The following POM121C variants were observed in gnomAD, a reference collection of about 807,000 sequenced individuals.
POM121C encodes POM121 transmembrane nucleoporin C.
Under a neutral mutation model 66.4 loss-of-function variants are expected in POM121C, and 20 were observed. That is an observed-to-expected ratio of 0.30 (90% CI 0.21 to 0.44). The LOEUF (loss-of-function observed/expected upper bound fraction) is 0.44, where lower values mean the gene tolerates loss of function less well. Among genes scored for constraint, POM121C ranks in the 20% least tolerant of loss-of-function variants. The pLI, the probability that POM121C is intolerant of heterozygous loss-of-function variation, is 1.00. For missense variants in POM121C, 580 were observed against 1,225.7 expected (o/e 0.47, Z 7.87); for synonymous variants, 286 against 528.0 (o/e 0.54, Z 6.28).
chr7:75,419,205 G>A (rs1789591299), intron 14 of POM121C, 115 bp downstream of exon 14: 1 of 1,444,072 alleles, frequency 6.9e-7, no homozygotes, highest in Non-Finnish European at 9.2e-7. Context: ...AACCCGAAAT[G>A]TCTTTCCTGT....
intron 3 of POM121C, among the ~76,000 whole-genome samples, chr7:75,472,581 T>C (rs587744130): frequency 6.6e-6 from 1 of 151,562 alleles, no homozygotes; most frequent in South Asian, 2.1e-4. Context: ...CTGAGGCAGG[T>C]GGATCACAAG....
At chr7:75,453,427 A>G (rs1388190752) in intron 3 of POM121C, among the ~76,000 whole-genome samples, 3 of 151,454 alleles carry the variant, frequency 2.0e-5, no homozygotes, top group Non-Finnish European at 4.4e-5. Flanking sequence ...TGCTAAAAAT[A>G]CAAAATTAGC....
At chr7:75,481,844 T>A (rs1411916009) in intron 1 of POM121C, among the ~76,000 whole-genome samples, 2 of 152,046 alleles carry the variant, frequency 1.3e-5, no homozygotes, top group African/African-American at 4.8e-5. Flanking sequence ...GTATTTTGGC[T>A]AGTAAATAAA....
chr7:75,474,254 C>T (rs1467495007), intron 3 of POM121C, among the ~76,000 whole-genome samples: 1 of 152,032 alleles, frequency 6.6e-6, no homozygotes, highest in Non-Finnish European at 1.5e-5. Flanking sequence ...ATTAGCCAGG[C>T]TTGGTGGCAT....
chr7:75,486,059 T>C lies in POM121C; in HGVS notation c.-653A>G, dbSNP rs1227107657. 1 of 436,008 alleles carries C rather than the reference T, an allele frequency of 2.3e-6. No individual in the cohort carries two copies. Among genetic ancestry groups the C allele is most frequent in the Admixed American group, 2.6e-5 (1 of 38,542 alleles). The allele number at this position is 436,008 out of a possible 1,614,324, so 27.0% of individuals were successfully genotyped here. ...TTCTCGGGGCCCAGATCCGCCTCCCTGGGGCTCCCGGCCCCTCTGGCCCCA... is the reference window on the plus strand; with the variant it reads ...TTCTCGGGGCCCAGATCCGCCTCCCCGGGGCTCCCGGCCCCTCTGGCCCCA... On this transcript the variant is annotated 5_prime_UTR_variant, in exon 1 of 15. Coordinates refer to ENST00000615331, the MANE Select transcript of POM121C (RefSeq NM_001099415.3).
rs782209178 is a variant in POM121C at position 75,441,504 on chromosome 7, T to C, written c.-8A>G. 35 of 1,613,696 alleles carry C rather than the reference T, an allele frequency of 2.2e-5. No individual in the cohort carries two copies. Among genetic ancestry groups the C allele is most frequent in the African/African-American group, 2.7e-5 (2 of 74,972 alleles). On this transcript the variant is annotated 5_prime_UTR_variant, in exon 4 of 15. Transcript: ENST00000615331. ...CACTGGGCTACACACCATCCTGGAG[T>C]TGCGAGGGGACAGCACAGCCTTCTT... is the stretch of plus-strand genomic sequence containing the variant.
intron 3 of POM121C, among the ~76,000 whole-genome samples, chr7:75,449,662 C>T (rs1179995392): frequency 2.6e-5 from 4 of 152,044 alleles, no homozygotes; most frequent in Admixed American, 6.6e-5. Flanking sequence ...CTACCATGCC[C>T]GGCAACAGTA....
chr7:75,437,034 G>A (rs587761572), intron 7 of POM121C, among the ~76,000 whole-genome samples: 5 of 152,244 alleles, frequency 3.3e-5, no homozygotes, highest in South Asian at 2.1e-4. Context: ...AAAACCCTGC[G>A]CTCAATTCTA....
intron 3 of POM121C, among the ~76,000 whole-genome samples, chr7:75,457,831 C>T (rs1256535893): frequency 1.5e-4 from 23 of 152,198 alleles, no homozygotes; most frequent in East Asian, 1.2e-3. Context: ...CTGTTACATT[C>T]GGATTAAAGA....
chr7:75,442,326 CG>C, intron 3 of POM121C: 1 of 1,411,446 alleles, frequency 7.1e-7, no homozygotes, highest in Non-Finnish European at 9.1e-7. Flanking sequence ...TGCGGCGGCC[CG>C]GGCTTGCCCA....
chr7:75,432,958 G>A (rs1450352582), intron 7 of POM121C, among the ~76,000 whole-genome samples: 1 of 152,058 alleles, frequency 6.6e-6, no homozygotes, highest in Non-Finnish European at 1.5e-5. Context: ...CAGTAGACTG[G>A]GCACGGTGGC....
chr7:75,432,573 T>C (rs1358002554), intron 7 of POM121C, among the ~76,000 whole-genome samples: 3 of 152,190 alleles, frequency 2.0e-5, no homozygotes, highest in African/African-American at 7.2e-5. Flanking sequence ...GGGAGGTTTC[T>C]GGTGATGAAA....
At chr7:75,430,580 G>A (rs1368327312) in intron 7 of POM121C, among the ~76,000 whole-genome samples, 4 of 152,164 alleles carry the variant, frequency 2.6e-5, no homozygotes, top group African/African-American at 9.7e-5. Context: ...AAAGCTTCTA[G>A]AAGGTAGCAT....
intron 1 of POM121C, among the ~76,000 whole-genome samples, chr7:75,477,788 G>GA (rs1222518662): frequency 2.7e-5 from 4 of 150,816 alleles, no homozygotes; most frequent in Non-Finnish European, 5.9e-5. Context: ...ATATATATTA[G>GA]AAAAAACATA....
intron 1 of POM121C, among the ~76,000 whole-genome samples, chr7:75,478,968 T>A: frequency 2.9e-5 from 4 of 140,262 alleles, no homozygotes; most frequent in East Asian, 2.1e-4. Flanking sequence ...CCAAAACTAG[T>A]GATAAAAAGT....
chr7:75,448,187 T>G (rs1301604321), intron 3 of POM121C, among the ~76,000 whole-genome samples: 1 of 151,892 alleles, frequency 6.6e-6, no homozygotes, highest in Non-Finnish European at 1.5e-5. Flanking sequence ...CAGTGAGCCA[T>G]AATTGTGCCA....
rs1554471427 is a variant in POM121C, at chr7:75,424,563, T to C, written c.834A>G (p.Ser278=). Residue 278 remains serine (S), a synonymous_variant, in exon 11 of 15, where the codon TCA becomes TCG. Transcript: ENST00000615331. ...CCAAGGCCTGGTTGAACCACTGTAA[T>C]GAAGCCTTCTTCTCTAAGTCTAGGT... is the stretch of plus-strand genomic sequence containing the variant. ...AEDLDLEKKA[S]LQWFNQALED... 7 of 1,614,000 alleles carry C rather than the reference T, an allele frequency of 4.3e-6. No homozygotes were observed. In the South Asian group the frequency reaches 6.6e-5, roughly 15 times the overall value.
intron 7 of POM121C, among the ~76,000 whole-genome samples, chr7:75,431,463 C>A (rs1415030454): frequency 4.0e-5 from 6 of 150,386 alleles, no homozygotes. Flanking sequence ...ATTTGCTGGG[C>A]GTGGTGGTGC....
chr7:75,430,336 A>C (rs781820704), intron 7 of POM121C, among the ~76,000 whole-genome samples: 1 of 152,198 alleles, frequency 6.6e-6, no homozygotes, highest in African/African-American at 2.4e-5. Flanking sequence ...GGAACAAAAG[A>C]AAGTCTAGAA....
Sources: allele counts gnomAD v4.1 joint callset (sites outside exome capture counted in the v4.1 genomes callset), GRCh38; gene constraint gnomAD v4.1.1; transcripts MANE v1.5; gene names NCBI Gene and HGNC (gene_info 2026-07-23, HGNC 2026-07-21).